The following COL18A1 variants were observed in gnomAD, a reference collection of about 807,000 sequenced individuals.
The protein encoded by COL18A1 is collagen alpha-1(XVIII) chain.
Under a neutral mutation model 168.0 loss-of-function variants are expected in COL18A1, and 133 were observed. That is an observed-to-expected ratio of 0.79 (90% CI 0.69 to 0.91). The LOEUF (loss-of-function observed/expected upper bound fraction) is 0.91. Among genes scored for constraint, COL18A1 ranks in the 40% least tolerant of loss-of-function variants. The pLI, the probability that COL18A1 is intolerant of heterozygous loss-of-function variation, is 0.00. For synonymous variants in COL18A1, 949 were observed against 809.0 expected (o/e 1.17, Z -2.94); for missense variants, 2,126 against 1,925.4 (o/e 1.10, Z -1.95).
At position 45,417,769 on chromosome 21, in the gene COL18A1, G is replaced by A. The variant is rs918207687; in HGVS notation, c.106+12296G>A. Among the ~76,000 whole-genome samples, 6 of 152,220 alleles carry A rather than the reference G, an allele frequency of 3.9e-5. No individual in the cohort carries two copies. The South Asian group carries it at 1.0e-3, about 26-fold the overall frequency. The stretch of plus-strand genomic sequence containing the variant: ...GCCACTGTGGTCTGGGCAGAGCTGG[G>A]CCCTCCATCCTGGGTGCCACTCCCA... On this transcript the variant is annotated intron_variant, in intron 2 of 41. Transcript: ENST00000651438.
intron 8 of COL18A1, 128 bp from the exon 9 acceptor site, chr21:45,478,199 A>G (rs1375136306): frequency 8.0e-7 from 1 of 1,256,576 alleles, no homozygotes; most frequent in Non-Finnish European, 1.2e-6. Flanking sequence ...CGCGGGTGCG[A>G]GGACATCGGG....
At chr21:45,461,974 G>C (rs1568887009) in intron 2 of COL18A1, among the ~76,000 whole-genome samples, 1 of 152,134 alleles carries the variant, frequency 6.6e-6, no homozygotes, top group Non-Finnish European at 1.5e-5. Flanking sequence ...AACTCCCTTA[G>C]CTTTTGTTTA....
intron 2 of COL18A1, among the ~76,000 whole-genome samples, chr21:45,414,990 C>A (rs562141056): frequency 6.6e-6 from 1 of 152,172 alleles, no homozygotes; most frequent in East Asian, 1.9e-4. Context: ...ATGAGAAGAC[C>A]AGGAAGTGGG....
At chr21:45,455,708 A>G in intron 2 of COL18A1, 1 of 1,613,826 alleles carries the variant, frequency 6.2e-7, no homozygotes. Flanking sequence ...CACAGCAGAT[A>G]CCACCACACA....
intron 33 of COL18A1, 157 bp from the exon 34 acceptor site, chr21:45,504,252 TGCAGTGG>T: frequency 1.1e-6 from 1 of 875,162 alleles, no homozygotes; most frequent in Non-Finnish European, 1.8e-6. Flanking sequence ...ACTCGGCTGA[TGCAGTGG>T]GAGGTGGGGA....
intron 2 of COL18A1, among the ~76,000 whole-genome samples, chr21:45,445,829 A>C (rs1312150757): frequency 6.6e-6 from 1 of 152,132 alleles, no homozygotes; most frequent in Admixed American, 6.5e-5. Flanking sequence ...TGAGTTCTTT[A>C]CATCATCTAG....
intron 2 of COL18A1, among the ~76,000 whole-genome samples, chr21:45,428,057 C>T (rs566026451): frequency 1.5e-4 from 23 of 152,338 alleles, no homozygotes; most frequent in Admixed American, 5.9e-4. Context: ...GGCCAAGGCC[C>T]GTCGGCACCA....
Position 45,494,794 on chromosome 21 carries a change from A to C in COL18A1, c.2380-68A>C. On this transcript the variant is annotated intron_variant, in intron 27 of 41. Transcript: ENST00000651438. ...CTCTGCATGGCCCCTCCCCTTCCCC[A>C]GGACCCCCCAACTCGTGGTCAAGGG... 4.1e-6 allele frequency: 6 copies of C among 1,447,502 alleles called. No homozygotes were observed. In the South Asian group the frequency reaches 7.2e-5, roughly 17 times the overall value. The allele number at this position is 1,447,502 out of a possible 1,614,324, so 89.7% of individuals were successfully genotyped here.
chr21:45,495,085 G>A, intron 28 of COL18A1, 170 bp downstream of exon 28: 1 of 688,008 alleles, frequency 1.5e-6, no homozygotes, highest in Non-Finnish European at 2.5e-6. Flanking sequence ...GGATGTGGCT[G>A]GCAGTACCCC....
intron 20 of COL18A1, 137 bp downstream of exon 20, chr21:45,490,483 C>CAT (rs2036282991): frequency 2.0e-5 from 14 of 688,944 alleles, no homozygotes; most frequent in East Asian, 1.2e-4. Flanking sequence ...CCTGGGCCTC[C>CAT]GTGTGCCCTC....
rs1349714436 is a variant in COL18A1, at chr21:45,457,358, G to C, written c.107-10884G>C. Reference sequence around the variant, plus strand: ...GCTCGGGCCAAGGGTGCTGCCGCGTGGGCAGTGCAGAGACCCTACCAGCGT... The same window carrying C: ...GCTCGGGCCAAGGGTGCTGCCGCGTCGGCAGTGCAGAGACCCTACCAGCGT... On this transcript the variant is annotated intron_variant, in intron 2 of 41. Coordinates refer to ENST00000651438, the MANE Select transcript of COL18A1 (RefSeq NM_001379500.1). This position sits in a 1 kb window ranked among gnomAD's most constrained non-coding sequence, Gnocchi z 4.6. Among the ~76,000 whole-genome samples the C allele has an allele frequency of 6.6e-6, 1 of 152,196 alleles. No individual in the cohort carries two copies. The highest frequency in any genetic ancestry group is 1.5e-5 in the Non-Finnish European group (1 of 68,020).
At chr21:45,484,165 TACACGC>T (rs1568913631) in intron 15 of COL18A1, among the ~76,000 whole-genome samples, 4 of 127,160 alleles carry the variant, frequency 3.1e-5, no homozygotes, top group Admixed American at 1.6e-4. Flanking sequence ...CCAGCATATG[TACACGC>T]GCACACACCT....
Position 45,480,690 on chromosome 21 carries a change from C to T in COL18A1, c.1453-10C>T. 1 of 1,610,888 alleles carries T rather than the reference C, an allele frequency of 6.2e-7. No individual in the cohort carries two copies. Among genetic ancestry groups the T allele is most frequent in the South Asian group, 1.1e-5 (1 of 91,078 alleles). On this transcript the variant is annotated splice_polypyrimidine_tract_variant and intron_variant, in intron 12 of 41. Coordinates refer to ENST00000651438, the MANE Select transcript of COL18A1 (RefSeq NM_001379500.1). ...ATGGGCTGTGACTATCTGTGTTCGC[C>T]CACGTCCAGGGTCCTCGAGGCTTCC...
At chr21:45,406,177 T>C (rs2033103169) in intron 2 of COL18A1, among the ~76,000 whole-genome samples, 1 of 152,160 alleles carries the variant, frequency 6.6e-6, no homozygotes, top group South Asian at 2.1e-4. Context: ...CGGGGCCTCC[T>C]GCCTCCAGCC....
rs200284308 is a variant in COL18A1 at position 45,456,045 on chromosome 21, G to A, written c.107-12197G>A. 1,491 of 1,607,990 alleles carry A rather than the reference G, an allele frequency of 9.3e-4. 1 individual carries two copies. The highest frequency in any genetic ancestry group is 1.2e-3 in the Non-Finnish European group (1,408 of 1,176,116). ...AATGGGACCACTCTCTGGCCCAGCC[G>A]TGGCATTCCTAGCTCTCCGGGCGCC... is the stretch of plus-strand genomic sequence containing the variant. On this transcript the variant is annotated intron_variant, in intron 2 of 41. Transcript: ENST00000651438.
chr21:45,476,298 C>A, intron 5 of COL18A1, 53 bp from the exon 6 acceptor site: 1 of 1,612,272 alleles, frequency 6.2e-7, no homozygotes, highest in Non-Finnish European at 8.5e-7. Context: ...AAGCAAGTCT[C>A]CACCGGGCAT....
chr21:45,502,805 T>TGGGAAGGGCAGGACGCTGGGA (rs1169869052), intron 32 of COL18A1: 2 of 151,984 alleles, frequency 1.3e-5, no homozygotes, highest in East Asian at 3.9e-4. Context: ...AGAGGAGAGA[T>TGGGAAGGGCAGGACGCTGGGA]GGGAAGGGCA....
Position 45,405,474 on chromosome 21 carries a change from G to C in COL18A1, c.106+1G>C, listed in dbSNP as rs1302387560. 7.3e-7 allele frequency: 1 copy of C among 1,369,026 alleles called. No individual in the cohort carries two copies. The highest frequency in any genetic ancestry group is 9.5e-7 in the Non-Finnish European group (1 of 1,052,362). 84.8% of individuals were successfully genotyped at this position (1,369,026 alleles called of 1,614,324 possible). On this transcript the variant is annotated splice_donor_variant, in intron 2 of 41. Coordinates refer to ENST00000651438, the MANE Select transcript of COL18A1 (RefSeq NM_001379500.1). LOFTEE classifies it high-confidence loss of function. ...GTCCGCGCGGCCTCCGCGGAGCCAG[G>C]TAAGACCCGGGCGGGACGGGAAGGT...
Position 45,491,266 on chromosome 21 carries a change from T to C in COL18A1, c.2109T>C (p.Pro703=), listed in dbSNP as rs2145984982. 6.2e-7 allele frequency: 1 copy of C among 1,612,260 alleles called. No individual in the cohort carries two copies. ...ACGGAGTCGGGCAGCCGGGCCTCCC[T>C]GGCCCCCCCGGACCCCCGGGACCTG... The part of the protein sequence containing the change: ...GKDGVGQPGL[P]GPPGPPGPVV... The change falls in exon 22 of 42, where the codon CCT becomes CCC. Residue 703 remains proline, a synonymous_variant. Coordinates refer to ENST00000651438, the MANE Select transcript of COL18A1 (RefSeq NM_001379500.1).
Sources: gnomAD v4.1 joint callset for allele counts (sites outside exome capture counted in the v4.1 genomes callset) on GRCh38, gnomAD v4.1.1 for gene constraint, Gnocchi (gnomAD v3.1) non-coding constraint, MANE v1.5 for transcripts, NCBI Gene and HGNC (gene_info 2026-07-23, HGNC 2026-07-21) for gene names.